ABLIM1: variants seen among roughly 807,000 people sequenced by gnomAD.
ABLIM1 encodes actin binding LIM protein 1, also known as actin-binding LIM protein 1.
In ABLIM1, 40 loss-of-function variants were observed where a neutral mutation model predicts 107.0. The observed-to-expected ratio is 0.37, with a 90% CI of 0.29 to 0.49. ABLIM1 has a LOEUF of 0.49. ABLIM1 is among the 20% of genes least tolerant of loss of function. The pLI is 0.97. For missense variants in ABLIM1, 857 were observed against 1,008.5 expected (o/e 0.85, Z 2.04); for synonymous variants, 357 against 357.3 (o/e 1.00, Z 0.01).
chr10:114,605,869 T>C (rs562534405), intron 1 of ABLIM1, among the ~76,000 whole-genome samples: 1 of 152,322 alleles, frequency 6.6e-6, no homozygotes, highest in African/African-American at 2.4e-5. Flanking sequence ...AGATCAGCCA[T>C]GTCTCTGAAC....
the ABLIM1 span, among the ~76,000 whole-genome samples, chr10:114,797,815 G>A: frequency 3.3e-5 from 5 of 152,150 alleles, no homozygotes; most frequent in Non-Finnish European, 1.5e-5. Context: ...GCTAAAGTGG[G>A]ACAGGACAGT....
At chr10:114,686,859 T>G (rs996214187), upstream of ABLIM1, among the ~76,000 whole-genome samples, 1 of 151,814 alleles carries the variant, frequency 6.6e-6, no homozygotes, top group Non-Finnish European at 1.5e-5. Context: ...ACTCCCAGAC[T>G]CAAATAATCC....
intron 7 of ABLIM1, among the ~76,000 whole-genome samples, chr10:114,489,293 A>G (rs778572578): frequency 6.6e-6 from 1 of 152,200 alleles, no homozygotes; most frequent in Non-Finnish European, 1.5e-5. Flanking sequence ...TTGAGATTAC[A>G]GGCGTGAGCC....
chr10:114,591,442 A>C (rs1043451611), intron 2 of ABLIM1, among the ~76,000 whole-genome samples: 1 of 152,224 alleles, frequency 6.6e-6, no homozygotes, highest in Non-Finnish European at 1.5e-5. Context: ...GTAGAAACAA[A>C]TATTAAATGG....
rs376833078 is a variant in ABLIM1, at chr10:114,738,871, T to C, written c.-213+29190A>G. 2.8e-4 allele frequency among the ~76,000 whole-genome samples: 43 copies of C among 152,160 alleles called. 2 individuals carry two copies. The South Asian group carries it at 8.7e-3, about 31-fold the overall frequency. On this transcript the variant is annotated intron_variant, in intron 1 of 15. Transcript: ENST00000651092. ...AGAGTGGTCAGGATGCACAAGGACA[T>C]GCTCTATTTAAGACAAATAAGGGAA... is the stretch of plus-strand genomic sequence containing the variant.
intron 6 of ABLIM1, among the ~76,000 whole-genome samples, chr10:114,527,291 T>C (rs1382767998): frequency 6.6e-6 from 1 of 152,228 alleles, no homozygotes; most frequent in South Asian, 2.1e-4. Context: ...CAACTTTTTA[T>C]TCCCTTTTGT....
intron 6 of ABLIM1, among the ~76,000 whole-genome samples, chr10:114,513,473 C>A (rs2062248383): frequency 6.6e-6 from 1 of 152,154 alleles, no homozygotes; most frequent in African/African-American, 2.4e-5. Context: ...TGGCAAGCAA[C>A]ATCCGGCAGT....
intron 6 of ABLIM1, among the ~76,000 whole-genome samples, chr10:114,503,893 C>T (rs1353412428): frequency 6.6e-6 from 1 of 152,170 alleles, no homozygotes; most frequent in Non-Finnish European, 1.5e-5. Context: ...TCATCTTCAT[C>T]CTTCTGTTGC....
chr10:114,649,226 C>T (rs1224477327), intron 1 of ABLIM1, among the ~76,000 whole-genome samples: 2 of 151,688 alleles, frequency 1.3e-5, no homozygotes, highest in Non-Finnish European at 2.9e-5. Context: ...TGGTGAAACC[C>T]CATCTCTACT....
intron 1 of ABLIM1, among the ~76,000 whole-genome samples, chr10:114,620,788 C>T (rs2077418009): frequency 6.6e-6 from 1 of 152,174 alleles, no homozygotes; most frequent in Admixed American, 6.5e-5. Context: ...ATAAAAATCC[C>T]TATTTCCAGC....
intron 1 of ABLIM1, among the ~76,000 whole-genome samples, chr10:114,602,920 T>C (rs2076132802): frequency 6.6e-6 from 1 of 152,206 alleles, no homozygotes; most frequent in Admixed American, 6.5e-5. Context: ...ACTTGTGGCT[T>C]TGAGCTCACC....
chr10:114,593,648 C>A (rs963569976), intron 2 of ABLIM1, among the ~76,000 whole-genome samples: 10 of 152,170 alleles, frequency 6.6e-5, no homozygotes, highest in Admixed American at 2.6e-4. Context: ...GCCCTTGACT[C>A]TGGAGGGAAA....
At chr10:114,780,709 C>T in the ABLIM1 span, among the ~76,000 whole-genome samples, 1 of 152,120 alleles carries the variant, frequency 6.6e-6, no homozygotes, top group African/African-American at 2.4e-5. Flanking sequence ...AACCAACGGC[C>T]TCCTATCAAT....
rs2475229 is a variant in ABLIM1 at position 114,498,625 on chromosome 10, T to A, written c.895-6747A>T. Among the ~76,000 whole-genome samples the A allele has an allele frequency of 9.9e-4, 150 of 152,182 alleles. 3 individuals are homozygous for A. Among genetic ancestry groups the A allele is most frequent in the Non-Finnish European group, 2.6e-4 (18 of 68,048 alleles). ...AGGAGATGGGAAGATGGCCCTGAAG[T>A]TCAACCTTAATCCACTTATAACTTA... is the stretch of plus-strand genomic sequence containing the variant. On this transcript the variant is annotated intron_variant, in intron 6 of 22. Coordinates refer to ENST00000533213, the MANE Select transcript of ABLIM1 (RefSeq NM_002313.7).
At chr10:114,512,913 A>G (rs1162984248) in intron 6 of ABLIM1, among the ~76,000 whole-genome samples, 2 of 147,496 alleles carry the variant, frequency 1.4e-5, no homozygotes, top group Admixed American at 6.8e-5. Context: ...GGAAGGAAAG[A>G]AAGAGAGAAA....
chr10:114,608,047 T>A (rs2076545272), intron 1 of ABLIM1, among the ~76,000 whole-genome samples: 1 of 152,222 alleles, frequency 6.6e-6, no homozygotes, highest in African/African-American at 2.4e-5. Flanking sequence ...ATTTTTTTTA[T>A]TCACCTAAAA....
chr10:114,508,952 C>G (rs377719997), intron 6 of ABLIM1, among the ~76,000 whole-genome samples: 1 of 152,356 alleles, frequency 6.6e-6, no homozygotes. Context: ...TCACATATCT[C>G]TCCTCACTGG....
intron 1 of ABLIM1, among the ~76,000 whole-genome samples, chr10:114,640,846 T>C (rs1464949964): frequency 6.6e-6 from 1 of 152,058 alleles, no homozygotes; most frequent in African/African-American, 2.4e-5. Flanking sequence ...AGAAAAAAGC[T>C]TTATATTTGA....
At chr10:114,741,115 A>G (rs1478546491) in intron 1 of ABLIM1, among the ~76,000 whole-genome samples, 2 of 151,586 alleles carry the variant, frequency 1.3e-5, no homozygotes, top group African/African-American at 2.4e-5. Context: ...ATCAGGGAAG[A>G]TACTGTCTTA....
Sources: allele counts gnomAD v4.1 joint callset (sites outside exome capture counted in the v4.1 genomes callset), GRCh38; gene constraint gnomAD v4.1.1; transcripts MANE v1.5; gene names NCBI Gene and HGNC (gene_info 2026-07-23, HGNC 2026-07-21).